Variants in FADS1 observed in about 807,000 individuals in gnomAD.
FADS1 encodes fatty acid desaturase 1.
In FADS1, 17 loss-of-function variants were observed where a neutral mutation model predicts 61.6. The observed-to-expected ratio is 0.28, with a 90% CI of 0.19 to 0.41. The LOEUF (loss-of-function observed/expected upper bound fraction) is 0.41. FADS1 is among the 10% of genes least tolerant of loss of function. The pLI, the probability that FADS1 is intolerant of heterozygous loss-of-function variation, is 1.00. For missense variants in FADS1, 387 were observed against 650.9 expected (o/e 0.59, Z 4.41); for synonymous variants, 238 against 258.7 (o/e 0.92, Z 0.77).
intron 3 of FADS1, among the ~76,000 whole-genome samples, chr11:61,811,499 T>C (rs1240034204): frequency 6.6e-6 from 1 of 150,966 alleles, no homozygotes; most frequent in Non-Finnish European, 1.5e-5. Flanking sequence ...AGAGTCGAGG[T>C]TTCACCATGT....
chr11:61,811,028 G>A lies in FADS1; in HGVS notation c.732C>T (p.Phe244=). The A allele has an allele frequency of 6.2e-7, 1 of 1,614,064 alleles. No individual in the cohort carries two copies. Among genetic ancestry groups the A allele is most frequent in the Non-Finnish European group, 8.5e-7 (1 of 1,180,022 alleles). The change falls in exon 4 of 12, where the codon TTC becomes TTT. Residue 244 remains phenylalanine, a synonymous_variant. Coordinates refer to ENST00000350997, the MANE Select transcript of FADS1 (RefSeq NM_013402.7). Reference sequence around the variant, plus strand: ...GCAGATGGTTCCACTTTGAGGTGCTGAAGACCGACAGGTGCCCAAAGTCAT... The same window carrying A: ...GCAGATGGTTCCACTTTGAGGTGCTAAAGACCGACAGGTGCCCAAAGTCAT... ...LQHDFGHLSV[F]STSKWNHLLH...
Position 61,804,764 on chromosome 11 carries a change from G to A in FADS1, c.977-3C>T, listed in dbSNP as rs2066881735. On this transcript the variant is annotated splice_polypyrimidine_tract_variant and splice_region_variant and intron_variant, in intron 6 of 11. Coordinates refer to ENST00000350997, the MANE Select transcript of FADS1 (RefSeq NM_013402.7). ...AGGCAGCAAGGCTGGGGGCCCAACT[G>A]GGGAGGAAACCGAGACAAAGAGGAG... is the stretch of plus-strand genomic sequence containing the variant. The A allele has an allele frequency of 6.2e-7, 1 of 1,613,620 alleles. No individual in the cohort carries two copies. The highest frequency in any genetic ancestry group is 1.1e-5 in the South Asian group (1 of 91,070).
At chr11:61,811,124 G>T in intron 3 of FADS1, 49 bp from the exon 4 acceptor site, 2 of 1,420,432 alleles carry the variant, frequency 1.4e-6, no homozygotes, top group Non-Finnish European at 2.0e-6. Flanking sequence ...CCCCAGTGTC[G>T]CCTTCACTGA....
chr11:61,801,367 A>T lies in FADS1; in HGVS notation c.*1044T>A, dbSNP rs967642047. 6.6e-6 allele frequency: 1 copy of T among 152,336 alleles called. No individual in the cohort carries two copies. The highest frequency in any genetic ancestry group is 6.5e-5 in the Admixed American group (1 of 15,282). 9.4% of individuals were successfully genotyped at this position (152,336 alleles called of 1,614,324 possible). The stretch of plus-strand genomic sequence containing the variant: ...AAAGACTAACTTGTCCCATCTGCTC[A>T]CTTGCTTATGGAGCTAAAAGACCCC... On this transcript the variant is annotated 3_prime_UTR_variant, in exon 12 of 12. Coordinates refer to ENST00000350997, the MANE Select transcript of FADS1 (RefSeq NM_013402.7).
Position 61,799,927 on chromosome 11 carries a change from T to C in FADS1, c.*2484A>G, listed in dbSNP as rs1228823651. 3 of 152,802 alleles carry C rather than the reference T, an allele frequency of 2.0e-5. No individual in the cohort carries two copies. Among genetic ancestry groups the C allele is most frequent in the Admixed American group, 1.3e-4 (2 of 15,284 alleles). The allele number at this position is 152,802 out of a possible 1,614,324, so 9.5% of individuals were successfully genotyped here. A position where few individuals can be genotyped will look rare whatever the true frequency, so the allele number is the denominator to read the frequency against. On this transcript the variant is annotated 3_prime_UTR_variant, in exon 12 of 12. Transcript: ENST00000350997. Reference sequence around the variant, plus strand: ...TAACATTCCGAGCCTTTTGTCACTGTGTGTCCCTTTGTGGCCATGTAAGAG... The same window carrying C: ...TAACATTCCGAGCCTTTTGTCACTGCGTGTCCCTTTGTGGCCATGTAAGAG...
Position 61,804,016 on chromosome 11 carries a change from G to C in FADS1, c.1054-249C>G, listed in dbSNP as rs2066876627. 1.7e-5 allele frequency: 9 copies of C among 544,074 alleles called. No individual in the cohort carries two copies. In the Admixed American group the frequency reaches 2.9e-4, roughly 18 times the overall value. 33.7% of individuals were successfully genotyped at this position (544,074 alleles called of 1,614,324 possible). Reference sequence around the variant, plus strand: ...GGCCTACAAGGTCTCTTTGCCTCTAGCTCTTCCTAGCCAATCTAAATCCTT... The same window carrying C: ...GGCCTACAAGGTCTCTTTGCCTCTACCTCTTCCTAGCCAATCTAAATCCTT... On this transcript the variant is annotated intron_variant, in intron 7 of 11. Transcript: ENST00000350997.
At chr11:61,808,634 G>C (rs772879994) in intron 5 of FADS1, among the ~76,000 whole-genome samples, 1 of 152,234 alleles carries the variant, frequency 6.6e-6, no homozygotes, top group Admixed American at 6.5e-5. Flanking sequence ...ATTCAAGGAG[G>C]AAGCAATGGA....
chr11:61,802,793 A>T lies in FADS1; in HGVS notation c.1454+8T>A. 1 of 1,614,026 alleles carries T rather than the reference A, an allele frequency of 6.2e-7. No homozygotes were observed. The highest frequency in any genetic ancestry group is 8.5e-7 in the Non-Finnish European group (1 of 1,180,016). ...CTACTAGCCATCTTCCTGGTCTCAG[A>T]TACTCACTGGATGATGTCGGCGAAG... On this transcript the variant is annotated splice_region_variant and intron_variant, in intron 11 of 11. Coordinates refer to ENST00000350997, the MANE Select transcript of FADS1 (RefSeq NM_013402.7). This position sits in a 1 kb window ranked among gnomAD's most constrained non-coding sequence, Gnocchi z 4.2.
rs1709782826 is a variant in FADS1, at chr11:61,803,128, G to A, written c.1249-17C>T. 1 of 1,613,344 alleles carries A rather than the reference G, an allele frequency of 6.2e-7. No homozygotes were observed. The highest frequency in any genetic ancestry group is 8.5e-7 in the Non-Finnish European group (1 of 1,179,332). On this transcript the variant is annotated splice_polypyrimidine_tract_variant and intron_variant, in intron 9 of 11. Transcript: ENST00000350997. This position sits in a 1 kb window ranked among gnomAD's most constrained non-coding sequence, Gnocchi z 4.3. ...GGCCTGGAGCTGGCGGAAAAGGTCA[G>A]GGGAGAGCATGTTGAATATCAGATG...
intron 3 of FADS1, chr11:61,811,801 T>A: frequency 2.5e-6 from 1 of 407,628 alleles, no homozygotes; most frequent in South Asian, 1.7e-5. Flanking sequence ...GTTGGCCAGG[T>A]GGTCTTGAAC....
Position 61,816,947 on chromosome 11 carries a change from G to A in FADS1, c.-18C>T. The A allele has an allele frequency of 2.2e-6, 3 of 1,375,896 alleles. No homozygotes were observed. The highest frequency in any genetic ancestry group is 3.9e-5 in the Admixed American group (1 of 25,886). 85.2% of individuals were successfully genotyped at this position (1,375,896 alleles called of 1,614,324 possible). A position where few individuals can be genotyped will look rare whatever the true frequency, so the allele number is the denominator to read the frequency against. The stretch of plus-strand genomic sequence containing the variant: ...GTTCCCATTGGCCGAGCCTCGTGGC[G>A]CGGGGAGCGAGATCCCGTCCCCCGG... On this transcript the variant is annotated 5_prime_UTR_variant, in exon 1 of 12. Coordinates refer to ENST00000350997, the MANE Select transcript of FADS1 (RefSeq NM_013402.7). This position sits in a 1 kb window ranked among gnomAD's most constrained non-coding sequence, Gnocchi z 7.0.
Position 61,810,773 on chromosome 11 carries a change from A to C in FADS1, c.893T>G (p.Leu298Trp). 6.2e-7 allele frequency: 1 copy of C among 1,614,094 alleles called. No individual in the cohort carries two copies. Among genetic ancestry groups the C allele is most frequent in the Non-Finnish European group, 8.5e-7 (1 of 1,180,010 alleles). The change falls in exon 5 of 12, where the codon TTG (leucine) becomes TGG (tryptophan). Residue 298 changes from leucine to tryptophan, a missense_variant. Leu to Trp is a moderately conservative substitution (Grantham distance 61). Around this residue, in one of 2 missense-constraint regions of FADS1, gnomAD observed 257 missense variants for 533.3 expected, o/e 0.48. Transcript: ENST00000350997. Reference protein sequence around the residue: ...DINMHPFFFALGKILSVELGK... With the variant: ...DINMHPFFFAWGKILSVELGK... Reference sequence around the variant, plus strand: ...CACCTCCACAGAGAGGATCTTCCCCAAGGCAAAGAAGAAGGGATGCATGTT... The same window carrying C: ...CACCTCCACAGAGAGGATCTTCCCCCAGGCAAAGAAGAAGGGATGCATGTT...
rs1200096175 is a variant in FADS1 at position 61,816,799 on chromosome 11, G to T, written c.131C>A (p.Thr44Lys). 2.0e-6 allele frequency: 3 copies of T among 1,501,824 alleles called. No homozygotes were observed. In the East Asian group the frequency reaches 7.8e-5, roughly 39 times the overall value. 93.0% of individuals were successfully genotyped at this position (1,501,824 alleles called of 1,614,324 possible). A position where few individuals can be genotyped will look rare whatever the true frequency, so the allele number is the denominator to read the frequency against. ...WSPRTPSTRL[T>K]APAGPARGVA... ...GCCGCGCGCCGGGCCAGCAGGGGCTGTCAGGCGCGTGCTCGGGGTCCGCGG... is the reference window on the plus strand; with the variant it reads ...GCCGCGCGCCGGGCCAGCAGGGGCTTTCAGGCGCGTGCTCGGGGTCCGCGG... Residue 44 changes from threonine to lysine, a missense_variant, in exon 1 of 12, where the codon ACA (threonine) becomes AAA (lysine). By Grantham distance (78) the Thr-to-Lys change is moderately conservative (BLOSUM62 -1). Around this residue, in one of 2 missense-constraint regions of FADS1, gnomAD observed 130 missense variants for 117.7 expected, o/e 1.10. Transcript: ENST00000350997. This position sits in a 1 kb window ranked among gnomAD's most constrained non-coding sequence, Gnocchi z 7.0.
In FADS1 at chr11:61,815,492, G is replaced by C. The variant is rs1393132319; in HGVS notation, c.375+1063C>G. ...CCGCGGCACACTCTGGGACGCCAGG[G>C]TAGTGGATAGGGACAGTGGAGGGCA... On this transcript the variant is annotated intron_variant, in intron 1 of 11. Coordinates refer to ENST00000350997, the MANE Select transcript of FADS1 (RefSeq NM_013402.7). The surrounding 1 kb of genome is among the most constrained non-coding windows in gnomAD (Gnocchi z 6.4). The C allele has an allele frequency of 1.3e-5, 2 of 152,368 alleles. No individual in the cohort carries two copies. Among genetic ancestry groups the C allele is most frequent in the African/African-American group, 2.4e-5 (1 of 41,470 alleles). 9.4% of individuals were successfully genotyped at this position (152,368 alleles called of 1,614,324 possible). A position where few individuals can be genotyped will look rare whatever the true frequency, so the allele number is the denominator to read the frequency against.
chr11:61,804,482 G>T, intron 7 of FADS1: 1 of 549,306 alleles, frequency 1.8e-6, no homozygotes, highest in Non-Finnish European at 3.2e-6. Flanking sequence ...CTGACCGCAT[G>T]AAATTACACA....
At chr11:61,812,820 G>A in intron 2 of FADS1, 152 bp from the exon 3 acceptor site, 1 of 677,790 alleles carries the variant, frequency 1.5e-6, no homozygotes, top group Non-Finnish European at 2.6e-6. Flanking sequence ...GAGGATGACA[G>A]GAGGAGGTGC....
chr11:61,809,109 TC>T (rs1235551772), intron 5 of FADS1, among the ~76,000 whole-genome samples: 1 of 152,198 alleles, frequency 6.6e-6, no homozygotes, highest in Non-Finnish European at 1.5e-5. Flanking sequence ...TTGCTTACTG[TC>T]CCTGAACATC....
chr11:61,807,433 A>G (rs1055271399), intron 5 of FADS1, among the ~76,000 whole-genome samples: 1 of 152,190 alleles, frequency 6.6e-6, no homozygotes, highest in African/African-American at 2.4e-5. Flanking sequence ...CAGGTTAAGT[A>G]TTCCCTCTAT....
At position 61,802,371 on chromosome 11, in the gene FADS1, T is replaced by A. The variant is rs2066861447; in HGVS notation, c.*40A>T. On this transcript the variant is annotated 3_prime_UTR_variant, in exon 12 of 12. Transcript: ENST00000350997. This position sits in a 1 kb window ranked among gnomAD's most constrained non-coding sequence, Gnocchi z 4.2. ...GCTCCCCTCTGCCTTGGCTCCAGAGTCTTCCTCCTCTTCTTCCAGACTGGG... is the reference window on the plus strand; with the variant it reads ...GCTCCCCTCTGCCTTGGCTCCAGAGACTTCCTCCTCTTCTTCCAGACTGGG... The A allele has an allele frequency of 6.5e-7, 1 of 1,537,582 alleles. No homozygotes were observed. The highest frequency in any genetic ancestry group is 8.8e-7 in the Non-Finnish European group (1 of 1,131,820).
Sources: allele counts gnomAD v4.1 joint callset (sites outside exome capture counted in the v4.1 genomes callset), GRCh38; gene constraint gnomAD v4.1.1; regional missense constraint gnomAD v4.1.1; non-coding constraint Gnocchi (gnomAD v3.1); transcripts MANE v1.5; gene names NCBI Gene and HGNC (gene_info 2026-07-23, HGNC 2026-07-21).